Variants in NHS observed in about 807,000 individuals in gnomAD.
NHS encodes the protein actin remodeling regulator NHS.
A neutral mutation model predicts 72.5 loss-of-function variants in NHS; 5 were observed. The ratio of observed to expected loss-of-function variants is 0.07; its 90% CI spans 0.04 to 0.14. The LOEUF (loss-of-function observed/expected upper bound fraction) is 0.14, where lower values mean the gene tolerates loss of function less well. Ranked by LOEUF, NHS falls within the 10% of genes least tolerant of loss-of-function variation. The pLI is 1.00. For synonymous variants in NHS, 464 were observed against 547.7 expected (o/e 0.85, Z 2.13); for missense variants, 1,072 against 1,355.7 (o/e 0.79, Z 3.29).
At chrX:17,643,977 G>A (rs1011112131) in intron 1 of NHS, among the ~76,000 whole-genome samples, 3 of 112,219 alleles carry the variant, frequency 2.7e-5, no homozygotes, top group Non-Finnish European at 5.6e-5. Flanking sequence ...TTTAGCATCC[G>A]GTGAAGTTGC....
Position 17,732,175 on chromosome X carries a change from C to A in NHS, c.4667C>A (p.Ser1556Tyr). 1 of 1,211,994 alleles carries A rather than the reference C, an allele frequency of 8.3e-7. No individual in the cohort carries two copies. ...CCTCCTGGGGAGCTCACAGCAGAGT[C>A]CCCTCAGAGCACCGATGATGCCCAT... ...PKPPGELTAE[S>Y]PQSTDDAHQG... Residue 1556 changes from serine to tyrosine, a missense_variant, in exon 9 of 9, where the codon TCC becomes TAC. Transcript: ENST00000676302.
chrX:17,602,373 C>T (rs2065654804), intron 1 of NHS, among the ~76,000 whole-genome samples: 1 of 111,875 alleles, frequency 8.9e-6, no homozygotes, highest in Non-Finnish European at 1.9e-5. Context: ...CTTCCATCCA[C>T]ATGGCCTCTG....
chrX:17,534,968 G>A (rs2065216237), intron 1 of NHS, among the ~76,000 whole-genome samples: 1 of 111,946 alleles, frequency 8.9e-6, no homozygotes, highest in Admixed American at 9.4e-5. Flanking sequence ...AAAGATGAGA[G>A]CTGGAGAATC....
chrX:17,405,278 C>T (rs1482896253), intron 1 of NHS, among the ~76,000 whole-genome samples: 2 of 112,308 alleles, frequency 1.8e-5, no homozygotes, highest in East Asian at 5.6e-4. Context: ...CATATGACTG[C>T]ATATACCTGC....
intron 1 of NHS, among the ~76,000 whole-genome samples, chrX:17,514,826 T>C (rs1206784810): frequency 1.8e-5 from 2 of 111,784 alleles, no homozygotes; most frequent in Non-Finnish European, 3.8e-5. Context: ...TATAGGGCTG[T>C]TTCCTTTGTC....
At chrX:17,692,269 C>G in intron 2 of NHS, 66 bp from the exon 3 acceptor site, 1 of 1,186,116 alleles carries the variant, frequency 8.4e-7, no homozygotes, top group Admixed American at 2.2e-5. Flanking sequence ...CTAACACTCC[C>G]AAGGGGAAAA....
intron 1 of NHS, among the ~76,000 whole-genome samples, chrX:17,380,629 G>A (rs778594927): frequency 3.6e-5 from 4 of 112,031 alleles, no homozygotes; most frequent in Non-Finnish European, 7.5e-5. Flanking sequence ...TTACAGGCGT[G>A]AGCCACCGCA....
At chrX:17,728,489 G>A (rs775712466) in intron 7 of NHS, among the ~76,000 whole-genome samples, 160 bp from the exon 8 acceptor site, 7 of 112,116 alleles carry the variant, frequency 6.2e-5, no homozygotes, top group Non-Finnish European at 9.4e-5. Context: ...TTTTGTTACT[G>A]GGTGAGTAAG....
intron 1 of NHS, among the ~76,000 whole-genome samples, chrX:17,573,983 C>T (rs1009790171): frequency 1.8e-5 from 2 of 111,711 alleles, no homozygotes; most frequent in Admixed American, 1.9e-4. Context: ...ACTCCAGACC[C>T]TGTTTGCCTG....
intron 1 of NHS, among the ~76,000 whole-genome samples, chrX:17,669,245 C>T (rs777649050): frequency 1.3e-4 from 15 of 112,030 alleles, no homozygotes; most frequent in East Asian, 1.1e-3. Flanking sequence ...GTGCCTCAGA[C>T]GGAGATAGTG....
chrX:17,390,963 A>G (rs868381818), intron 1 of NHS, among the ~76,000 whole-genome samples: 3 of 112,178 alleles, frequency 2.7e-5, no homozygotes, highest in Admixed American at 9.4e-5. Flanking sequence ...TGGCTTGTAA[A>G]TGTAAAATTG....
intron 1 of NHS, among the ~76,000 whole-genome samples, chrX:17,563,960 A>G (rs1474270434): frequency 8.9e-6 from 1 of 112,187 alleles, no homozygotes; most frequent in Non-Finnish European, 1.9e-5. Context: ...GTGACTTCTT[A>G]CTGTGTTTGT....
chrX:17,522,912 G>C (rs2065157259), intron 1 of NHS, among the ~76,000 whole-genome samples: 1 of 111,545 alleles, frequency 9.0e-6, no homozygotes, highest in Admixed American at 9.4e-5. Context: ...TCTTCTTCCT[G>C]GTACCTGCTC....
At position 17,728,169 on chromosome X, in the gene NHS, G is replaced by A. The variant is rs1305186363; in HGVS notation, c.4063G>A (p.Gly1355Ser). 3 of 1,209,712 alleles carry A rather than the reference G, an allele frequency of 2.5e-6. No individual in the cohort carries two copies. Among genetic ancestry groups the A allele is most frequent in the Non-Finnish European group, 3.4e-6 (3 of 895,129 alleles). ...VMSRHHDKVP[G>S]TISYESEITS... ...GAGCCGCCACCATGACAAAGTGCCT[G>A]GTACTATCAGCTATGAATCGGAGAT... Residue 1355 changes from glycine (G) to serine (S), a missense_variant, in exon 7 of 9, where the codon GGT (glycine) becomes AGT (serine). By Grantham distance (56) the Gly-to-Ser change is moderately conservative. Transcript: ENST00000676302.
chrX:17,398,847 A>T lies in NHS; in HGVS notation c.565+22525A>T, dbSNP rs746526093. ...TCACGAGACCAGTTAACACTTAGGG[A>T]GTGAAGAAATAGACTCTACTTCTTG... On this transcript the variant is annotated intron_variant, in intron 1 of 8. Transcript: ENST00000676302. Among the ~76,000 whole-genome samples, 3 of 112,143 alleles carry T rather than the reference A, an allele frequency of 2.7e-5. No individual in the cohort carries two copies. The East Asian group carries it at 8.4e-4, about 32-fold the overall frequency.
chrX:17,690,945 T>C (rs1451868383), intron 2 of NHS, among the ~76,000 whole-genome samples: 3 of 111,746 alleles, frequency 2.7e-5, no homozygotes, highest in African/African-American at 9.8e-5. Context: ...TTTCCTTTCC[T>C]TTCAAGTTGG....
chrX:17,597,378 G>A (rs1236873741), intron 1 of NHS, among the ~76,000 whole-genome samples: 1 of 108,705 alleles, frequency 9.2e-6, no homozygotes, highest in Non-Finnish European at 1.9e-5. Flanking sequence ...GCCCACCTCG[G>A]CCTCCCAAAG....
At chrX:17,637,055 A>G (rs2147072698) in intron 1 of NHS, among the ~76,000 whole-genome samples, 1 of 111,837 alleles carries the variant, frequency 8.9e-6, no homozygotes, top group Non-Finnish European at 1.9e-5. Flanking sequence ...CCCCAGGTGG[A>G]TTCCAATGTG....
chrX:17,376,912 C>T (rs922403399), intron 1 of NHS, among the ~76,000 whole-genome samples: 4 of 113,226 alleles, frequency 3.5e-5, no homozygotes, highest in Non-Finnish European at 7.5e-5. Context: ...CGCTGCTCGC[C>T]TCCTAGACTG....
Sources: allele counts gnomAD v4.1 joint callset (sites outside exome capture counted in the v4.1 genomes callset), GRCh38; gene constraint gnomAD v4.1.1; transcripts MANE v1.5; gene names NCBI Gene and HGNC (gene_info 2026-07-23, HGNC 2026-07-21).